The following NEO1 variants were observed in gnomAD, a reference collection of about 807,000 sequenced individuals.
The protein encoded by NEO1 is neogenin.
Under a neutral mutation model 159.7 loss-of-function variants are expected in NEO1, and 63 were observed. That is an observed-to-expected ratio of 0.39 (90% CI 0.32 to 0.49). The LOEUF (loss-of-function observed/expected upper bound fraction) is 0.49, where lower values mean the gene tolerates loss of function less well. NEO1 is among the 20% of genes least tolerant of loss of function. The pLI is 0.85. For synonymous variants in NEO1, 633 were observed against 662.0 expected (o/e 0.96, Z 0.67); for missense variants, 1,615 against 1,831.0 (o/e 0.88, Z 2.15).
At chr15:73,137,749 G>A (rs947395754) in intron 5 of NEO1, among the ~76,000 whole-genome samples, 1 of 152,154 alleles carries the variant, frequency 6.6e-6, no homozygotes, top group Non-Finnish European at 1.5e-5. Flanking sequence ...CACCCGCCTC[G>A]GCCTCCCAAA....
rs370862017 is a variant in NEO1, at chr15:73,270,463, T to C, written c.2857+9T>C. On this transcript the variant is annotated intron_variant, in intron 18 of 28. Coordinates refer to ENST00000261908, the MANE Select transcript of NEO1 (RefSeq NM_002499.4). ...GACCACCTTTGAATTAGGTATGTGT[T>C]GTCAGAAGCCATGTCACATGGCTGC... is the stretch of plus-strand genomic sequence containing the variant. 49 of 1,600,828 alleles carry C rather than the reference T, an allele frequency of 3.1e-5. No homozygotes were observed. In the East Asian group the frequency reaches 9.6e-4, roughly 31 times the overall value.
Position 73,225,091 on chromosome 15 carries a change from C to T in NEO1, c.1292-11256C>T, listed in dbSNP as rs538641928. On this transcript the variant is annotated intron_variant, in intron 7 of 28. Transcript: ENST00000261908. ...TACCTCTTTTCTGGGTCTAGCCACC[C>T]AGCAAGTCTATCCAGCTCCAGGCTG... Among the ~76,000 whole-genome samples, 190 of 152,254 alleles carry T rather than the reference C, an allele frequency of 1.2e-3. 3 individuals are homozygous for T. Among genetic ancestry groups the T allele is most frequent in the African/African-American group, 4.5e-3 (186 of 41,552 alleles).
intron 7 of NEO1, among the ~76,000 whole-genome samples, chr15:73,224,000 G>T (rs1341993819): frequency 6.6e-6 from 1 of 152,134 alleles, no homozygotes; most frequent in East Asian, 1.9e-4. Flanking sequence ...CTTGGGTAGT[G>T]GTGAGTTCTT....
chr15:73,155,928 T>A (rs1417233852), intron 5 of NEO1, among the ~76,000 whole-genome samples: 1 of 152,254 alleles, frequency 6.6e-6, no homozygotes, highest in African/African-American at 2.4e-5. Context: ...TCAGTATTTT[T>A]AATTCTTTAT....
chr15:73,204,382 T>G (rs2037093876), intron 7 of NEO1, among the ~76,000 whole-genome samples: 1 of 152,164 alleles, frequency 6.6e-6, no homozygotes. Flanking sequence ...TTTTGGAAAA[T>G]TCTCGCTTTA....
chr15:73,295,753 A>C (rs1381688125), intron 26 of NEO1, among the ~76,000 whole-genome samples: 2 of 152,146 alleles, frequency 1.3e-5, no homozygotes, highest in Non-Finnish European at 2.9e-5. Context: ...TGGAGCTCAG[A>C]GTGTTGCCAC....
At chr15:73,085,258 G>T (rs569779864) in intron 1 of NEO1, among the ~76,000 whole-genome samples, 11 of 152,082 alleles carry the variant, frequency 7.2e-5, no homozygotes, top group East Asian at 5.8e-4. Flanking sequence ...CAAGCATAAT[G>T]CCTTTATCAC....
intron 11 of NEO1, among the ~76,000 whole-genome samples, chr15:73,251,300 C>CAAGA (rs998390917): frequency 5.9e-5 from 9 of 151,812 alleles, no homozygotes; most frequent in Non-Finnish European, 1.2e-4. Flanking sequence ...TACTTGAGCC[C>CAAGA]AAGAGTTCAA....
intron 1 of NEO1, among the ~76,000 whole-genome samples, chr15:73,088,525 G>A (rs2069492986): frequency 6.6e-6 from 1 of 152,062 alleles, no homozygotes; most frequent in South Asian, 2.1e-4. Context: ...AAAGTAAAGA[G>A]GAAAGATGCA....
intron 11 of NEO1, among the ~76,000 whole-genome samples, chr15:73,251,417 G>A (rs1480086647): frequency 6.6e-6 from 1 of 151,662 alleles, no homozygotes; most frequent in Non-Finnish European, 1.5e-5. Flanking sequence ...GGAGGCTGAG[G>A]TGGGAGGGTC....
intron 16 of NEO1, among the ~76,000 whole-genome samples, chr15:73,268,081 G>A (rs1365684506): frequency 2.0e-5 from 3 of 152,010 alleles, no homozygotes; most frequent in Non-Finnish European, 2.9e-5. Context: ...AGAACATCAG[G>A]GGGCCTAATA....
intron 4 of NEO1, among the ~76,000 whole-genome samples, chr15:73,131,688 C>T (rs1274839451): frequency 6.6e-6 from 1 of 152,206 alleles, no homozygotes; most frequent in Non-Finnish European, 1.5e-5. Context: ...CTTTTCAAAG[C>T]TCTTATTTTA....
chr15:73,068,770 C>G (rs1167888368), intron 1 of NEO1, among the ~76,000 whole-genome samples: 1 of 145,476 alleles, frequency 6.9e-6, no homozygotes, highest in Admixed American at 6.8e-5. Context: ...CCATCTTGGA[C>G]TGAGAATCTA....
At chr15:73,213,503 G>A (rs780673113) in intron 7 of NEO1, among the ~76,000 whole-genome samples, 3 of 151,952 alleles carry the variant, frequency 2.0e-5, no homozygotes, top group Admixed American at 2.0e-4. Flanking sequence ...CCCACATGTC[G>A]GTGAGAACAT....
intron 7 of NEO1, among the ~76,000 whole-genome samples, chr15:73,228,774 T>A (rs901680513): frequency 3.9e-5 from 6 of 152,170 alleles, no homozygotes; most frequent in Non-Finnish European, 8.8e-5. Flanking sequence ...ATATATGATG[T>A]GAGTTCATTA....
chr15:73,262,341 A>G (rs934357534), intron 15 of NEO1, among the ~76,000 whole-genome samples: 2 of 152,212 alleles, frequency 1.3e-5, no homozygotes, highest in Non-Finnish European at 2.9e-5. Context: ...GACTTGGAGA[A>G]AATACCCACC....
chr15:73,289,242 A>T lies in NEO1; in HGVS notation c.3742+4A>T. On this transcript the variant is annotated splice_donor_region_variant and intron_variant, in intron 25 of 28. Coordinates refer to ENST00000261908, the MANE Select transcript of NEO1 (RefSeq NM_002499.4). Reference sequence around the variant, plus strand: ...TTTGACTCCCAGCCACCCCAGCGTAAGTAGAAGCATCTCTTTTCCTCAGTG... The same window carrying T: ...TTTGACTCCCAGCCACCCCAGCGTATGTAGAAGCATCTCTTTTCCTCAGTG... The T allele has an allele frequency of 6.2e-7, 1 of 1,613,630 alleles. No homozygotes were observed. Among genetic ancestry groups the T allele is most frequent in the Non-Finnish European group, 8.5e-7 (1 of 1,179,566 alleles).
chr15:73,188,472 T>C (rs1415029529), intron 7 of NEO1, among the ~76,000 whole-genome samples: 1 of 152,198 alleles, frequency 6.6e-6, no homozygotes, highest in Non-Finnish European at 1.5e-5. Context: ...GCCAAAAAAC[T>C]TTTCCATCAT....
At chr15:73,132,911 G>A (rs1316453318) in intron 4 of NEO1, among the ~76,000 whole-genome samples, 1 of 152,074 alleles carries the variant, frequency 6.6e-6, no homozygotes, top group East Asian at 1.9e-4. Flanking sequence ...GGTGAAAAGG[G>A]AACACTTTTA....
Sources: gnomAD v4.1 joint callset for allele counts (sites outside exome capture counted in the v4.1 genomes callset) on GRCh38, gnomAD v4.1.1 for gene constraint, MANE v1.5 for transcripts, NCBI Gene and HGNC (gene_info 2026-07-23, HGNC 2026-07-21) for gene names.